The following PLCL1 variants were observed in gnomAD, a reference collection of about 807,000 sequenced individuals.
PLCL1 encodes inactive phospholipase C-like protein 1.
PLCL1 carries 41 observed loss-of-function variants against 84.4 expected under a neutral mutation model. That is an observed-to-expected ratio of 0.49 (90% confidence interval 0.38 to 0.63). PLCL1 has a LOEUF of 0.63. Among genes scored for constraint, PLCL1 ranks in the 30% least tolerant of loss-of-function variants. PLCL1 has a pLI of 0.00. For missense variants in PLCL1, 1,206 were observed against 1,367.8 expected, an observed-to-expected ratio of 0.88 and a Z score of 1.87; for synonymous variants, 490 against 488.3, an observed-to-expected ratio of 1.00 and a Z score of -0.05.
intron 1 of PLCL1, among the ~76,000 whole-genome samples, chr2:197,832,041 C>T (rs1169202588): frequency 1.3e-5 from 2 of 152,124 alleles, no homozygotes; most frequent in Non-Finnish European, 2.9e-5. Context: ...TAAATGCTCA[C>T]AGGAGAAAGT....
At chr2:198,047,450 A>G (rs576460374) in intron 1 of PLCL1, among the ~76,000 whole-genome samples, 1 of 152,180 alleles carries the variant, frequency 6.6e-6, no homozygotes, top group South Asian at 2.1e-4. Context: ...TCAAAGTGCT[A>G]GGAATATAGG....
intron 5 of PLCL1, among the ~76,000 whole-genome samples, chr2:198,124,419 G>T (rs1693940600): frequency 6.6e-6 from 1 of 152,036 alleles, no homozygotes; most frequent in South Asian, 2.1e-4. Context: ...GTTAAAATGG[G>T]CCTGCATAAA....
chr2:197,952,734 G>A (rs1275089484), intron 1 of PLCL1, among the ~76,000 whole-genome samples: 2 of 152,032 alleles, frequency 1.3e-5, no homozygotes, highest in African/African-American at 2.4e-5. Context: ...GAATTATGTT[G>A]GCGGTTTCCC....
rs1691535174 is a variant in PLCL1, at chr2:198,035,507, T to C, written c.241-48251T>C. 4.6e-5 allele frequency among the ~76,000 whole-genome samples: 7 copies of C among 152,180 alleles called. No homozygotes were observed. The South Asian group carries it at 1.4e-3, about 32-fold the overall frequency. On this transcript the variant is annotated intron_variant, in intron 1 of 5. Coordinates refer to ENST00000428675, the MANE Select transcript of PLCL1 (RefSeq NM_006226.4). The stretch of plus-strand genomic sequence containing the variant: ...TTTGTTTGTTTGTTTTTGGTTTTTT[T>C]CCATTTGAAAGTAAGAGAGTGAGCA...
intron 1 of PLCL1, among the ~76,000 whole-genome samples, chr2:197,904,595 T>C (rs558227032): frequency 1.3e-5 from 2 of 152,306 alleles, no homozygotes; most frequent in Admixed American, 1.3e-4. Context: ...TTGGGTTTCT[T>C]GTGCCATCAC....
Position 197,861,969 on chromosome 2 carries a change from C to T in PLCL1, c.240+56630C>T, listed in dbSNP as rs561394854. On this transcript the variant is annotated intron_variant, in intron 1 of 5. Coordinates refer to ENST00000428675, the MANE Select transcript of PLCL1 (RefSeq NM_006226.4). ...TATTTAGCAATTTGACAAAGGCTCA[C>T]GGCACTCTTCTTTTTCAGTTTAATG... Among the ~76,000 whole-genome samples, 4 of 152,260 alleles carry T rather than the reference C, an allele frequency of 2.6e-5. No homozygotes were observed. The South Asian group carries it at 6.2e-4, about 24-fold the overall frequency.
rs139561580 is a variant in PLCL1 at position 197,904,146 on chromosome 2, A to G, written c.240+98807A>G. Among the ~76,000 whole-genome samples the G allele has an allele frequency of 2.2e-3, 332 of 152,308 alleles. 3 individuals are homozygous for G. The highest frequency in any genetic ancestry group is 7.4e-3 in the African/African-American group (309 of 41,568). ...ATTGTTTTAGGTATTAATTACATAA[A>G]TACTCATTAGATATGTGAAAGGTGC... On this transcript the variant is annotated intron_variant, in intron 1 of 5. Transcript: ENST00000428675.
At chr2:197,993,303 T>A (rs1336773242) in intron 1 of PLCL1, among the ~76,000 whole-genome samples, 1 of 152,158 alleles carries the variant, frequency 6.6e-6, no homozygotes, top group African/African-American at 2.4e-5. Context: ...CATTTGTATA[T>A]CTTCTTTGGA....
intron 1 of PLCL1, among the ~76,000 whole-genome samples, chr2:198,008,294 G>A (rs891093074): frequency 6.6e-6 from 1 of 151,918 alleles, no homozygotes; most frequent in African/African-American, 2.4e-5. Context: ...TCACATTGTT[G>A]TGCAGCAGAT....
At chr2:197,894,937 A>G (rs2105729843) in intron 1 of PLCL1, among the ~76,000 whole-genome samples, 1 of 151,956 alleles carries the variant, frequency 6.6e-6, no homozygotes, top group East Asian at 1.9e-4. Flanking sequence ...ACTGTGTTTT[A>G]ACTCTCTTTC....
intron 1 of PLCL1, among the ~76,000 whole-genome samples, chr2:197,961,545 C>T (rs1451896154): frequency 2.0e-5 from 3 of 151,914 alleles, no homozygotes; most frequent in Non-Finnish European, 2.9e-5. Context: ...TAGTTTTGTG[C>T]TTCCTATGGT....
intron 1 of PLCL1, among the ~76,000 whole-genome samples, chr2:197,893,867 T>C (rs1688079855): frequency 6.6e-6 from 1 of 151,966 alleles, no homozygotes; most frequent in African/African-American, 2.4e-5. Context: ...GGTAGGCAGT[T>C]GCTAGTGCTG....
At chr2:197,858,362 C>T (rs1687367608) in intron 1 of PLCL1, among the ~76,000 whole-genome samples, 1 of 152,118 alleles carries the variant, frequency 6.6e-6, no homozygotes, top group Non-Finnish European at 1.5e-5. Flanking sequence ...CTTAGCGAAT[C>T]AAGCCCTCCA....
chr2:197,820,051 A>G (rs1690784946), intron 1 of PLCL1, among the ~76,000 whole-genome samples: 1 of 152,124 alleles, frequency 6.6e-6, no homozygotes. Context: ...GAGCAGAAAA[A>G]CAAAAGTTAA....
intron 1 of PLCL1, among the ~76,000 whole-genome samples, chr2:197,828,205 A>G (rs700673): frequency 0.73 from 110,310 of 151,958 alleles, 41,073 homozygotes; most frequent in African/African-American, 0.9. Flanking sequence ...TATATTAATT[A>G]TGTTTTATTT....
At chr2:197,942,398 C>T (rs1689176590) in intron 1 of PLCL1, among the ~76,000 whole-genome samples, 1 of 152,148 alleles carries the variant, frequency 6.6e-6, no homozygotes, top group Admixed American at 6.5e-5. Context: ...ATTCTTTCCC[C>T]ACCAAACTTC....
intron 1 of PLCL1, among the ~76,000 whole-genome samples, chr2:197,955,091 A>T (rs1689458952): frequency 6.6e-6 from 1 of 151,972 alleles, no homozygotes; most frequent in South Asian, 2.1e-4. Flanking sequence ...TTTCCTTCCC[A>T]TTCCTATACG....
Position 197,804,997 on chromosome 2 carries a change from T to G in PLCL1, c.-103T>G. The G allele has an allele frequency of 7.6e-7, 1 of 1,323,308 alleles. No individual in the cohort carries two copies. The highest frequency in any genetic ancestry group is 9.8e-7 in the Non-Finnish European group (1 of 1,016,964). The allele number at this position is 1,323,308 out of a possible 1,614,324, so 82.0% of individuals were successfully genotyped here. ...CGCCGCTGGGCGGTGAAACAAAGTC[T>G]GGCGGGGCCGCCTCCCGGTGCAGGA... On this transcript the variant is annotated 5_prime_UTR_variant, in exon 1 of 6. Coordinates refer to ENST00000428675, the MANE Select transcript of PLCL1 (RefSeq NM_006226.4).
At chr2:197,885,035 C>A (rs1687893487) in intron 1 of PLCL1, among the ~76,000 whole-genome samples, 1 of 152,156 alleles carries the variant, frequency 6.6e-6, no homozygotes, top group African/African-American at 2.4e-5. Flanking sequence ...TACCCCTTGT[C>A]CCCAGGTTCT....
Sources: allele counts gnomAD v4.1 joint callset (sites outside exome capture counted in the v4.1 genomes callset), GRCh38; gene constraint gnomAD v4.1.1; transcripts MANE v1.5; gene names NCBI Gene and HGNC (gene_info 2026-07-23, HGNC 2026-07-21).